Variants in LINGO2 observed in about 807,000 individuals in gnomAD.
LINGO2 encodes the protein leucine rich repeat and Ig domain containing 2.
A neutral mutation model predicts 30.6 loss-of-function variants in LINGO2; 14 were observed. The ratio of observed to expected loss-of-function variants is 0.46; its 90% CI spans 0.30 to 0.72. The LOEUF (loss-of-function observed/expected upper bound fraction) is 0.72. Among genes scored for constraint, LINGO2 ranks in the 30% least tolerant of loss-of-function variants. The pLI is 0.07. For missense variants in LINGO2, 729 were observed against 751.7 expected (o/e 0.97, Z 0.35); for synonymous variants, 317 against 288.5 (o/e 1.10, Z -1.00).
chr9:28,491,474 G>T (rs1826392257), intron 1 of LINGO2, among the ~76,000 whole-genome samples: 1 of 152,112 alleles, frequency 6.6e-6, no homozygotes, highest in South Asian at 2.1e-4. Context: ...ACATTCACAG[G>T]TTCCAAGCAG....
At chr9:28,754,009 C>T in the LINGO2 span, among the ~76,000 whole-genome samples, 1 of 77,108 alleles carries the variant, frequency 1.3e-5, no homozygotes, top group Non-Finnish European at 2.7e-5. Flanking sequence ...TGAGAATACA[C>T]ACACACAAAC....
intron 1 of LINGO2, among the ~76,000 whole-genome samples, chr9:28,623,674 T>C (rs1386513323): frequency 6.6e-6 from 1 of 152,104 alleles, no homozygotes; most frequent in Non-Finnish European, 1.5e-5. Context: ...CTTTGGCTAT[T>C]CTGGGTCTTT....
At chr9:29,080,672 T>A in the LINGO2 span, among the ~76,000 whole-genome samples, 2 of 152,122 alleles carry the variant, frequency 1.3e-5, no homozygotes, top group Non-Finnish European at 2.9e-5. Context: ...TCAAAGAACA[T>A]CTTTATTTCT....
intron 1 of LINGO2, among the ~76,000 whole-genome samples, chr9:28,502,517 T>C (rs1394680464): frequency 6.6e-6 from 1 of 152,060 alleles, no homozygotes; most frequent in East Asian, 1.9e-4. Context: ...AAAATGAAAA[T>C]TTATTTTACA....
chr9:28,074,675 C>T (rs1825573520), intron 4 of LINGO2, among the ~76,000 whole-genome samples: 1 of 152,108 alleles, frequency 6.6e-6, no homozygotes, highest in African/African-American at 2.4e-5. Context: ...GAGATTAGTG[C>T]CTTATCCCAT....
At chr9:28,885,374 C>CAT in the LINGO2 span, among the ~76,000 whole-genome samples, 5 of 143,694 alleles carry the variant, frequency 3.5e-5, no homozygotes, top group South Asian at 4.4e-4. Flanking sequence ...CACACACACA[C>CAT]ATATATATAT....
intron 2 of LINGO2, among the ~76,000 whole-genome samples, chr9:28,409,733 T>C (rs1053153599): frequency 6.6e-6 from 1 of 151,684 alleles, no homozygotes; most frequent in Non-Finnish European, 1.5e-5. Context: ...TCTGGTGCAG[T>C]TACTCTTCTC....
chr9:28,708,826 CATCT>C, the LINGO2 span, among the ~76,000 whole-genome samples: 1 of 139,324 alleles, frequency 7.2e-6, no homozygotes, highest in Non-Finnish European at 1.5e-5. Context: ...ATCTATCCAT[CATCT>C]ATCTATCATC....
the LINGO2 span, among the ~76,000 whole-genome samples, chr9:28,926,348 G>A: frequency 5.3e-5 from 8 of 152,080 alleles, no homozygotes; most frequent in East Asian, 1.9e-4. Context: ...GAAACCATTC[G>A]CTTCATAGAT....
the LINGO2 span, among the ~76,000 whole-genome samples, chr9:28,902,108 G>A: frequency 2.0e-5 from 3 of 152,098 alleles, no homozygotes; most frequent in East Asian, 5.8e-4. Flanking sequence ...CTAACTATAT[G>A]CTGCTTACAA....
At chr9:28,847,802 AG>A in the LINGO2 span, among the ~76,000 whole-genome samples, 4 of 38,392 alleles carry the variant, frequency 1.0e-4, 1 homozygote, top group East Asian at 1.1e-3. Flanking sequence ...ATATATGTAT[AG>A]TATATATGTA....
chr9:28,020,268 A>G (rs780705688), intron 4 of LINGO2, among the ~76,000 whole-genome samples: 1 of 152,138 alleles, frequency 6.6e-6, no homozygotes, highest in African/African-American at 2.4e-5. Context: ...CTTATACAAT[A>G]AACTAGAAAG....
the LINGO2 span, among the ~76,000 whole-genome samples, chr9:28,891,470 A>G: frequency 8.0e-6 from 1 of 124,372 alleles, no homozygotes; most frequent in Non-Finnish European, 1.9e-5. Context: ...GCAGGAAAGG[A>G]ATTTCTGGAG....
chr9:29,100,288 T>C, the LINGO2 span, among the ~76,000 whole-genome samples: 4 of 152,018 alleles, frequency 2.6e-5, no homozygotes, highest in East Asian at 1.9e-4. Flanking sequence ...TTTAACTGGG[T>C]AGGGGGATGG....
chr9:28,906,565 A>G, the LINGO2 span, among the ~76,000 whole-genome samples: 4 of 151,952 alleles, frequency 2.6e-5, no homozygotes, highest in African/African-American at 9.7e-5. Flanking sequence ...TGCCTTCCAG[A>G]TGGTCAGATA....
chr9:28,472,041 G>A (rs1477799537), intron 2 of LINGO2, among the ~76,000 whole-genome samples: 1 of 152,140 alleles, frequency 6.6e-6, no homozygotes, highest in Non-Finnish European at 1.5e-5. Context: ...GTTGCCTTGT[G>A]AGGGATTGGA....
chr9:28,790,500 T>C, the LINGO2 span, among the ~76,000 whole-genome samples: 1 of 142,792 alleles, frequency 7.0e-6, no homozygotes, highest in Non-Finnish European at 1.5e-5. Flanking sequence ...GGCTAATTTT[T>C]TGTATTTTTT....
At position 28,313,394 on chromosome 9, in the gene LINGO2, T is replaced by C. The variant is rs1824707861; in HGVS notation, c.-245-18028A>G. Among the ~76,000 whole-genome samples, 3 of 152,158 alleles carry C rather than the reference T, an allele frequency of 2.0e-5. No homozygotes were observed. In the South Asian group the frequency reaches 6.2e-4, roughly 31 times the overall value. ...GTTTTGGTACTTGGTGTTAGAATAA[T>C]TCAGACAAAAGGACAGTATATAATA... is the stretch of plus-strand genomic sequence containing the variant. On this transcript the variant is annotated intron_variant, in intron 3 of 5. Transcript: ENST00000379992.
At chr9:28,955,942 A>T in the LINGO2 span, among the ~76,000 whole-genome samples, 3 of 152,040 alleles carry the variant, frequency 2.0e-5, no homozygotes, top group African/African-American at 4.8e-5. Context: ...CCCACCTCAC[A>T]TTTAAAAACA....
Sources: gnomAD v4.1 joint callset for allele counts (sites outside exome capture counted in the v4.1 genomes callset) on GRCh38, gnomAD v4.1.1 for gene constraint, MANE v1.5 for transcripts, NCBI Gene and HGNC (gene_info 2026-07-23, HGNC 2026-07-21) for gene names.